The following FRRS1L variants were observed in gnomAD, a reference collection of about 807,000 sequenced individuals.
FRRS1L encodes ferric chelate reductase 1 like.
Under a neutral mutation model 28.6 loss-of-function variants are expected in FRRS1L, and 22 were observed. That is an observed-to-expected ratio of 0.77 (90% CI 0.55 to 1.10). FRRS1L has a LOEUF of 1.10. FRRS1L is among the 50% of genes least tolerant of loss of function. The pLI is 0.00. For missense variants in FRRS1L, 380 were observed against 386.9 expected, an observed-to-expected ratio of 0.98 and a Z score of 0.15; for synonymous variants, 158 against 151.4, an observed-to-expected ratio of 1.04 and a Z score of -0.32.
chr9:109,138,652 G>T (rs1278161864), intron 4 of FRRS1L: 1 of 151,372 alleles, frequency 6.6e-6, no homozygotes, highest in African/African-American at 2.4e-5. Flanking sequence ...GGTGGAGGCT[G>T]CAGTGAGCTG....
chr9:109,152,910 C>G (rs946755369), intron 1 of FRRS1L, among the ~76,000 whole-genome samples: 1 of 139,652 alleles, frequency 7.2e-6, no homozygotes, highest in Non-Finnish European at 1.5e-5. Context: ...ATGTTCTGAA[C>G]TAGTTTATTC....
chr9:109,140,338 C>T (rs1430627720), intron 4 of FRRS1L: 1 of 152,236 alleles, frequency 6.6e-6, no homozygotes, highest in Non-Finnish European at 1.5e-5. Flanking sequence ...ACTGTAGTCC[C>T]AGCTACTTGG....
chr9:109,142,729 C>G (rs1260315931), intron 3 of FRRS1L, among the ~76,000 whole-genome samples: 1 of 151,804 alleles, frequency 6.6e-6, no homozygotes, highest in African/African-American at 2.4e-5. Flanking sequence ...AGGAGGATCG[C>G]TGGGGAGGTT....
At chr9:109,164,733 A>T (rs554265271) in intron 1 of FRRS1L, among the ~76,000 whole-genome samples, 2 of 152,328 alleles carry the variant, frequency 1.3e-5, no homozygotes, top group African/African-American at 4.8e-5. Context: ...AACAGGTTAG[A>T]GGCAGACTTC....
chr9:109,141,023 A>G (rs914232324), intron 4 of FRRS1L: 2 of 342,694 alleles, frequency 5.8e-6, no homozygotes, highest in Admixed American at 4.1e-5. Flanking sequence ...TGAGGAGTAA[A>G]TAAGAATGCT....
At chr9:109,151,708 T>C (rs1358644988) in intron 1 of FRRS1L, 2 of 162,072 alleles carry the variant, frequency 1.2e-5, no homozygotes, top group Non-Finnish European at 2.7e-5. Flanking sequence ...CCCAAAAACC[T>C]TCCCCTTGAC....
chr9:109,145,701 G>A (rs139328226), intron 3 of FRRS1L, among the ~76,000 whole-genome samples: 188 of 150,826 alleles, frequency 1.2e-3, no homozygotes, highest in African/African-American at 4.3e-3. Context: ...GCAACAGAGC[G>A]AGACTCTGTC....
chr9:109,164,604 G>C (rs1831523332), intron 1 of FRRS1L, among the ~76,000 whole-genome samples: 1 of 151,398 alleles, frequency 6.6e-6, no homozygotes, highest in South Asian at 2.1e-4. Context: ...CACCATGTTG[G>C]CCAGGCTAGT....
At chr9:109,165,779 T>C (rs1217560882) in intron 1 of FRRS1L, among the ~76,000 whole-genome samples, 3 of 152,188 alleles carry the variant, frequency 2.0e-5, no homozygotes, top group Non-Finnish European at 4.4e-5. Flanking sequence ...CTTTATAAAG[T>C]AGTCAGTGAC....
intron 3 of FRRS1L, among the ~76,000 whole-genome samples, chr9:109,144,335 A>G (rs1831227037): frequency 6.6e-6 from 1 of 152,082 alleles, no homozygotes. Flanking sequence ...CCTACAACCC[A>G]TATATCCAAT....
intron 1 of FRRS1L, among the ~76,000 whole-genome samples, chr9:109,157,660 G>A (rs1013820260): frequency 2.0e-5 from 3 of 152,128 alleles, no homozygotes; most frequent in Non-Finnish European, 4.4e-5. Context: ...TTTTAAAAAT[G>A]TGTTTGATTT....
chr9:109,137,471 A>T lies in FRRS1L; in HGVS notation c.866T>A (p.Leu289Ter). ...CAGCTGTGGTTAGGGGGTTCCCATC[A>T]ATAGGTAGAAGGTCAGAGCAACAAT... ...LLIVALTFYL[L>*]MGTP is the part of the protein sequence containing the mutation. The change falls in exon 5 of 5, where the codon TTG becomes TAG. Residue 289 changes from leucine to a stop codon, truncating the protein, a stop_gained. Coordinates refer to ENST00000561981, the MANE Select transcript of FRRS1L (RefSeq NM_014334.4). LOFTEE classifies it high-confidence loss of function. 1 of 1,608,022 alleles carries T rather than the reference A, an allele frequency of 6.2e-7. No individual in the cohort carries two copies. Among genetic ancestry groups the T allele is most frequent in the Non-Finnish European group, 8.5e-7 (1 of 1,176,248 alleles).
rs1411339072 is a variant in FRRS1L, at chr9:109,141,429, C to T, written c.623G>A (p.Arg208His). The change falls in exon 4 of 5, where the codon CGC (arginine) becomes CAC (histidine). Residue 208 changes from arginine (R) to histidine (H), a missense_variant. By Grantham distance (29) the Arg-to-His change is conservative. Transcript: ENST00000561981. ...ENNRVTCRFKRPVNVPRDETI... is the reference protein window; with the variant it reads ...ENNRVTCRFKHPVNVPRDETI... Reference sequence around the variant, plus strand: ...TTCATCTCTGGGAACATTCACAGGGCGTTTAAATCTGCAGGTGACGCGATT... The same window carrying T: ...TTCATCTCTGGGAACATTCACAGGGTGTTTAAATCTGCAGGTGACGCGATT... 6 of 1,613,908 alleles carry T rather than the reference C, an allele frequency of 3.7e-6. No individual in the cohort carries two copies. The highest frequency in any genetic ancestry group is 3.3e-5 in the Admixed American group (2 of 59,994).
chr9:109,144,762 C>A (rs1332202839), intron 3 of FRRS1L, among the ~76,000 whole-genome samples: 1 of 152,060 alleles, frequency 6.6e-6, no homozygotes, highest in East Asian at 1.9e-4. Context: ...CAGCTCGCTG[C>A]AACCTCCGCC....
chr9:109,144,215 C>T (rs534643080), intron 3 of FRRS1L, among the ~76,000 whole-genome samples: 1 of 152,114 alleles, frequency 6.6e-6, no homozygotes, highest in Non-Finnish European at 1.5e-5. Context: ...CATTGTCTTA[C>T]TACTTGGACT....
intron 3 of FRRS1L, among the ~76,000 whole-genome samples, chr9:109,146,073 C>T (rs559466543): frequency 7.0e-4 from 106 of 151,790 alleles, no homozygotes; most frequent in Middle Eastern, 3.4e-3. Flanking sequence ...GGCAGGTGCC[C>T]GTAATCCCAG....
chr9:109,167,187 G>T lies in FRRS1L; in HGVS notation c.-49C>A. 1 of 1,163,040 alleles carries T rather than the reference G, an allele frequency of 8.6e-7. No individual in the cohort carries two copies. Among genetic ancestry groups the T allele is most frequent in the Non-Finnish European group, 1.1e-6 (1 of 946,466 alleles). 72.0% of individuals were successfully genotyped at this position (1,163,040 alleles called of 1,614,324 possible). A position where few individuals can be genotyped will look rare whatever the true frequency, so the allele number is the denominator to read the frequency against. On this transcript the variant is annotated 5_prime_UTR_variant, in exon 1 of 5. Transcript: ENST00000561981. ...AGGCCGCTCGGGCCGCAGCGGGGGC[G>T]CCGCGGGCGCGGGCCGGGACTGAGC... is the stretch of plus-strand genomic sequence containing the variant.
intron 1 of FRRS1L, among the ~76,000 whole-genome samples, chr9:109,155,197 C>T (rs546142876): frequency 6.6e-6 from 1 of 152,322 alleles, no homozygotes; most frequent in Non-Finnish European, 1.5e-5. Context: ...TTACCATTCA[C>T]CTCTATGTTT....
chr9:109,161,670 T>C (rs891443885), intron 1 of FRRS1L, among the ~76,000 whole-genome samples: 1 of 152,216 alleles, frequency 6.6e-6, no homozygotes, highest in Non-Finnish European at 1.5e-5. Flanking sequence ...GGGTGGTTAA[T>C]GGCTTCTGGT....
Sources: gnomAD v4.1 joint callset for allele counts (sites outside exome capture counted in the v4.1 genomes callset) on GRCh38, gnomAD v4.1.1 for gene constraint, MANE v1.5 for transcripts, NCBI Gene and HGNC (gene_info 2026-07-23, HGNC 2026-07-21) for gene names.